Variants in PTAR1 observed in about 807,000 individuals in gnomAD.
The protein encoded by PTAR1 is protein prenyltransferase alpha subunit repeat-containing protein 1.
In PTAR1, 17 loss-of-function variants were observed where a neutral mutation model predicts 45.5. The observed-to-expected ratio is 0.37, with a 90% CI of 0.26 to 0.56. PTAR1 has a LOEUF of 0.56. PTAR1 is among the 20% of genes least tolerant of loss of function. PTAR1 has a pLI of 0.77. For synonymous variants in PTAR1, 169 were observed against 171.3 expected (o/e 0.99, Z 0.11); for missense variants, 391 against 476.3 (o/e 0.82, Z 1.67).
chr9:69,722,056 T>A (rs1453135607), intron 6 of PTAR1, among the ~76,000 whole-genome samples: 1 of 152,220 alleles, frequency 6.6e-6, no homozygotes, highest in Non-Finnish European at 1.5e-5. Flanking sequence ...AGAAAAAGAA[T>A]GTTCTCTACT....
intron 3 of PTAR1, among the ~76,000 whole-genome samples, chr9:69,740,791 T>C (rs1260735815): frequency 6.6e-6 from 1 of 152,230 alleles, no homozygotes; most frequent in East Asian, 1.9e-4. Flanking sequence ...CCAATAGAAA[T>C]ATAATGTGAG....
At chr9:69,755,687 G>T (rs192689892) in intron 1 of PTAR1, among the ~76,000 whole-genome samples, 12 of 152,250 alleles carry the variant, frequency 7.9e-5, no homozygotes. Context: ...GACCAAAAAG[G>T]AAAGCTAGTA....
At chr9:69,753,982 T>C (rs1009834125) in intron 1 of PTAR1, among the ~76,000 whole-genome samples, 1 of 152,180 alleles carries the variant, frequency 6.6e-6, no homozygotes, top group Non-Finnish European at 1.5e-5. Context: ...TGGTTAATAA[T>C]GGAAAGCCGA....
At chr9:69,756,228 G>A (rs940056785) in intron 1 of PTAR1, among the ~76,000 whole-genome samples, 4 of 152,118 alleles carry the variant, frequency 2.6e-5, no homozygotes, top group African/African-American at 7.2e-5. Flanking sequence ...CCTTAGAAGT[G>A]TACATCCTTG....
At chr9:69,759,825 T>C in intron 1 of PTAR1, 28 bp downstream of exon 1, 4 of 1,509,518 alleles carry the variant, frequency 2.6e-6, no homozygotes, top group Admixed American at 2.1e-5. Flanking sequence ...CCGACGACCC[T>C]CGGAGGCGGC....
Position 69,734,181 on chromosome 9 carries a change from A to C in PTAR1, c.397T>G (p.Phe133Val). Residue 133 changes from phenylalanine (F) to valine (V), a missense_variant, in exon 4 of 8, where the codon TTT becomes GTT. Transcript: ENST00000340434. ...ATCCATGTTTCTGGACTCTTTGGAA[A>C]CTTGGTTAAGGCGAGTTTTCCCAGA... Reference protein sequence around the residue: ...LHLGKLALTKFPKSPETWIHR... With the variant: ...LHLGKLALTKVPKSPETWIHR... 6.3e-7 allele frequency: 1 copy of C among 1,578,666 alleles called. No homozygotes were observed. Among genetic ancestry groups the C allele is most frequent in the African/African-American group, 1.4e-5 (1 of 72,262 alleles).
In PTAR1 at chr9:69,717,318, A is replaced by G. The variant is rs1824767682; in HGVS notation, c.*1024T>C. On this transcript the variant is annotated 3_prime_UTR_variant, in exon 8 of 8. Coordinates refer to ENST00000340434, the MANE Select transcript of PTAR1 (RefSeq NM_001099666.2). ...TTGTCATAAGTGAATTTGAAATTAA[A>G]AAGTAGTAATAGCTAAAAATGGCAT... 6.6e-6 allele frequency: 1 copy of G among 152,192 alleles called. No homozygotes were observed. The highest frequency in any genetic ancestry group is 2.1e-4 in the South Asian group (1 of 4,830). 9.4% of individuals were successfully genotyped at this position (152,192 alleles called of 1,614,324 possible).
At chr9:69,745,533 C>A (rs765120885) in intron 2 of PTAR1, among the ~76,000 whole-genome samples, 1 of 152,126 alleles carries the variant, frequency 6.6e-6, no homozygotes, top group Non-Finnish European at 1.5e-5. Context: ...TACAGCAGCA[C>A]AAGGCAAAAA....
intron 6 of PTAR1, among the ~76,000 whole-genome samples, chr9:69,722,771 T>C (rs1291631475): frequency 6.6e-6 from 1 of 151,760 alleles, no homozygotes; most frequent in African/African-American, 2.4e-5. Flanking sequence ...AAATTCCGTC[T>C]CTACTAAAAA....
chr9:69,751,050 C>T (rs1826506830), intron 1 of PTAR1, 100 bp from the exon 2 acceptor site: 3 of 825,434 alleles, frequency 3.6e-6, no homozygotes, highest in East Asian at 5.4e-5. Flanking sequence ...CATATTTCCC[C>T]CTTCCTTACA....
chr9:69,736,890 T>C (rs557056325), intron 3 of PTAR1, among the ~76,000 whole-genome samples: 1 of 152,260 alleles, frequency 6.6e-6, no homozygotes, highest in South Asian at 2.1e-4. Flanking sequence ...CCTCAATCAA[T>C]GTTAATATAT....
chr9:69,749,076 C>T (rs11793130), intron 2 of PTAR1, among the ~76,000 whole-genome samples: 46,158 of 151,850 alleles, frequency 0.3, 7,968 homozygotes, highest in Admixed American at 0.4. Context: ...TTTAATATTC[C>T]GCAAGGTTCC....
chr9:69,740,822 T>A (rs1414123664), intron 3 of PTAR1, among the ~76,000 whole-genome samples: 2 of 152,192 alleles, frequency 1.3e-5, no homozygotes, highest in Non-Finnish European at 1.5e-5. Flanking sequence ...GAGTCATATA[T>A]GATTTAAAAT....
At position 69,715,140 on chromosome 9, in the gene PTAR1, G is replaced by C. The variant is rs1372213199; in HGVS notation, c.*3202C>G. ...AATATATATTATAATACAGTTAATTGACAATTACAGAGCTGCATTTCTTGG... is the reference window on the plus strand; with the variant it reads ...AATATATATTATAATACAGTTAATTCACAATTACAGAGCTGCATTTCTTGG... On this transcript the variant is annotated 3_prime_UTR_variant, in exon 8 of 8. Coordinates refer to ENST00000340434, the MANE Select transcript of PTAR1 (RefSeq NM_001099666.2). The C allele has an allele frequency of 6.6e-6, 1 of 151,784 alleles. No homozygotes were observed. Among genetic ancestry groups the C allele is most frequent in the Non-Finnish European group, 1.5e-5 (1 of 67,962 alleles). 9.4% of individuals were successfully genotyped at this position (151,784 alleles called of 1,614,324 possible). A position where few individuals can be genotyped will look rare whatever the true frequency, so the allele number is the denominator to read the frequency against.
intron 2 of PTAR1, among the ~76,000 whole-genome samples, chr9:69,747,440 T>C (rs191512810): frequency 8.5e-5 from 13 of 152,304 alleles, no homozygotes; most frequent in African/African-American, 3.1e-4. Context: ...AAGGCAGTAG[T>C]ACACACAGAG....
At chr9:69,730,779 T>C (rs982699726) in intron 5 of PTAR1, among the ~76,000 whole-genome samples, 3 of 151,970 alleles carry the variant, frequency 2.0e-5, no homozygotes, top group Non-Finnish European at 4.4e-5. Context: ...GATAGGGTTT[T>C]ATACTTTTTC....
chr9:69,718,583 A>G lies in PTAR1; in HGVS notation c.983-15T>C, dbSNP rs767862940. On this transcript the variant is annotated splice_polypyrimidine_tract_variant and intron_variant, in intron 7 of 7. Coordinates refer to ENST00000340434, the MANE Select transcript of PTAR1 (RefSeq NM_001099666.2). ...CTGGGAGCCTGCTGGGATAAGGTGC[A>G]AGTCACTCAAAGTCCCCCCAGGGCT... is the stretch of plus-strand genomic sequence containing the variant. The G allele has an allele frequency of 6.2e-7, 1 of 1,613,592 alleles. No homozygotes were observed. The highest frequency in any genetic ancestry group is 1.1e-5 in the South Asian group (1 of 91,072).
chr9:69,745,048 C>T (rs1826216142), intron 2 of PTAR1, among the ~76,000 whole-genome samples: 1 of 152,182 alleles, frequency 6.6e-6, no homozygotes, highest in Admixed American at 6.5e-5. Flanking sequence ...CTCAGTGAAA[C>T]ATCAACCTCA....
At chr9:69,740,181 G>C (rs1294157080) in intron 3 of PTAR1, among the ~76,000 whole-genome samples, 1 of 152,094 alleles carries the variant, frequency 6.6e-6, no homozygotes, top group East Asian at 1.9e-4. Flanking sequence ...TAACATGTGT[G>C]TATACATATA....
Sources: gnomAD v4.1 joint callset for allele counts (sites outside exome capture counted in the v4.1 genomes callset) on GRCh38, gnomAD v4.1.1 for gene constraint, MANE v1.5 for transcripts, NCBI Gene and HGNC (gene_info 2026-07-23, HGNC 2026-07-21) for gene names.